Variants in VGLL3 observed in about 807,000 individuals in gnomAD.
VGLL3 encodes the protein transcription cofactor vestigial-like protein 3.
VGLL3 carries 18 observed loss-of-function variants against 29.2 expected under a neutral mutation model. That is an observed-to-expected ratio of 0.62 (90% CI 0.43 to 0.91). VGLL3 has a LOEUF of 0.91. VGLL3 is among the 40% of genes least tolerant of loss of function. The pLI, the probability that VGLL3 is intolerant of heterozygous loss-of-function variation, is 0.00. For missense variants in VGLL3, 440 were observed against 413.2 expected, an observed-to-expected ratio of 1.06 and a Z score of -0.56; for synonymous variants, 180 against 151.8, an observed-to-expected ratio of 1.19 and a Z score of -1.36.
At chr3:86,960,143 T>C (rs549261512) in intron 3 of VGLL3, among the ~76,000 whole-genome samples, 2 of 152,290 alleles carry the variant, frequency 1.3e-5, no homozygotes, top group South Asian at 4.1e-4. Context: ...GTTTAATTAG[T>C]ATGTTCCAAA....
In VGLL3 at chr3:86,946,063, A is replaced by T. The variant is rs1181152667; in HGVS notation, c.*961T>A. 2 of 152,150 alleles carry T rather than the reference A, an allele frequency of 1.3e-5. No individual in the cohort carries two copies. Among genetic ancestry groups the T allele is most frequent in the Non-Finnish European group, 2.9e-5 (2 of 68,018 alleles). 9.4% of individuals were successfully genotyped at this position (152,150 alleles called of 1,614,324 possible). ...AAAACAAGTAAAATAAGTCACTGGC[A>T]CTCATAGGTGGCATGGTTAAATGCA... On this transcript the variant is annotated 3_prime_UTR_variant, in exon 4 of 4. Coordinates refer to ENST00000398399, the MANE Select transcript of VGLL3 (RefSeq NM_016206.4).
chr3:86,978,879 T>A, intron 1 of VGLL3, 77 bp from the exon 2 acceptor site: 12 of 1,431,812 alleles, frequency 8.4e-6, no homozygotes, highest in Admixed American at 2.4e-5. Flanking sequence ...TTCACTTTTT[T>A]AAAAAAAGAA....
In VGLL3 at chr3:86,978,555, C is replaced by T. The variant is rs768429945; in HGVS notation, c.374G>A (p.Ser125Asn). 6.2e-7 allele frequency: 1 copy of T among 1,614,068 alleles called. No individual in the cohort carries two copies. The highest frequency in any genetic ancestry group is 1.7e-5 in the Admixed American group (1 of 60,004). ...CCATAGGGGGGTTAGCCCCATCTTG[C>T]TTTTTGAAATGGCAGATTCTGGATG... ...TLHPESAISK[S>N]KMGLTPLWRD... The change falls in exon 2 of 4, where the codon AGC (serine) becomes AAC (asparagine). Residue 125 changes from serine to asparagine, a missense_variant. Ser to Asn is a conservative substitution (Grantham distance 46). Coordinates refer to ENST00000398399, the MANE Select transcript of VGLL3 (RefSeq NM_016206.4).
intron 1 of VGLL3, among the ~76,000 whole-genome samples, chr3:86,982,028 C>G (rs1460724254): frequency 6.6e-6 from 1 of 152,170 alleles, no homozygotes; most frequent in African/African-American, 2.4e-5. Flanking sequence ...ATTTAAACAG[C>G]AATGGATTCA....
chr3:86,977,524 C>T (rs532217910), intron 2 of VGLL3, among the ~76,000 whole-genome samples: 91 of 152,236 alleles, frequency 6.0e-4, no homozygotes, highest in African/African-American at 2.1e-3. Context: ...TCAATAGATT[C>T]GAGATAAGGG....
At chr3:86,955,364 ATCTC>A (rs1240675243) in intron 3 of VGLL3, among the ~76,000 whole-genome samples, 26 of 148,358 alleles carry the variant, frequency 1.8e-4, no homozygotes, top group African/African-American at 3.7e-4. Context: ...GAAACTTTTC[ATCTC>A]TCTCTCTCTC....
chr3:86,965,680 A>G (rs1291803665), intron 3 of VGLL3, among the ~76,000 whole-genome samples: 1 of 152,138 alleles, frequency 6.6e-6, no homozygotes, highest in African/African-American at 2.4e-5. Context: ...CTTCAGCTGA[A>G]CAAACCCACC....
In VGLL3 at chr3:86,940,520, G is replaced by T. The variant is rs541365301; in HGVS notation, c.*6504C>A. ...CTTAATTAATAACACCTAAGATGTT[G>T]TAATTTCCAAAATATTTATAAGATG... On this transcript the variant is annotated 3_prime_UTR_variant, in exon 4 of 4. Transcript: ENST00000398399. 4 of 152,618 alleles carry T rather than the reference G, an allele frequency of 2.6e-5. No individual in the cohort carries two copies. Among genetic ancestry groups the T allele is most frequent in the African/African-American group, 9.6e-5 (4 of 41,548 alleles). The allele number at this position is 152,618 out of a possible 1,614,324, so 9.5% of individuals were successfully genotyped here.
chr3:86,968,876 T>G lies in VGLL3; in HGVS notation c.651A>C (p.Pro217=). 6.2e-7 allele frequency: 1 copy of G among 1,614,076 alleles called. No homozygotes were observed. Among genetic ancestry groups the G allele is most frequent in the Non-Finnish European group, 8.5e-7 (1 of 1,180,028 alleles). The change falls in exon 3 of 4, where the codon CCA becomes CCC. Residue 217 remains proline, a synonymous_variant. Transcript: ENST00000398399. Reference sequence around the variant, plus strand: ...ACACGTCATGCATATGGCTGTAGGATGGGCTCACCTGAGATGTCAAAGGAT... The same window carrying G: ...ACACGTCATGCATATGGCTGTAGGAGGGGCTCACCTGAGATGTCAAAGGAT... ...WPYPLTSQVS[P]SYSHMHDVYM... is the part of the protein sequence containing the mutation.
chr3:86,958,783 C>T (rs1704778136), intron 3 of VGLL3, among the ~76,000 whole-genome samples: 1 of 152,120 alleles, frequency 6.6e-6, no homozygotes, highest in Non-Finnish European at 1.5e-5. Context: ...AGATGGTTTC[C>T]ATTACCCTTC....
chr3:86,983,759 A>G (rs1705378464), intron 1 of VGLL3, among the ~76,000 whole-genome samples: 1 of 152,202 alleles, frequency 6.6e-6, no homozygotes, highest in African/African-American at 2.4e-5. Context: ...GTCAAGTTAT[A>G]TGAGGTTGGG....
At chr3:86,970,493 A>ACG (rs1441764970) in intron 2 of VGLL3, among the ~76,000 whole-genome samples, 2 of 150,176 alleles carry the variant, frequency 1.3e-5, no homozygotes, top group African/African-American at 4.9e-5. Context: ...GCACACACAC[A>ACG]CACACACACA....
At chr3:86,978,873 CTTTTTTAAAAA>C in intron 1 of VGLL3, 71 bp from the exon 2 acceptor site, 1 of 1,452,102 alleles carries the variant, frequency 6.9e-7, no homozygotes. Flanking sequence ...TAAGTTTTCA[CTTTTTTAAAAA>C]AAGAATCTAA....
At position 86,990,542 on chromosome 3, in the gene VGLL3, C is replaced by G. The variant is rs1705557833; in HGVS notation, c.126+76G>C. On this transcript the variant is annotated intron_variant, in intron 1 of 3. Coordinates refer to ENST00000398399, the MANE Select transcript of VGLL3 (RefSeq NM_016206.4). ...CTCTGCGCCACGCGTGCCGGCGGGA[C>G]GTCGCCGAGCCCCAGACCGATACTC... The G allele has an allele frequency of 3.1e-6, 4 of 1,304,138 alleles. No individual in the cohort carries two copies. In the African/African-American group the frequency reaches 4.5e-5, roughly 15 times the overall value. 80.8% of individuals were successfully genotyped at this position (1,304,138 alleles called of 1,614,324 possible). A position where few individuals can be genotyped will look rare whatever the true frequency, so the allele number is the denominator to read the frequency against.
chr3:86,954,039 GCAT>G (rs911956309), intron 3 of VGLL3, among the ~76,000 whole-genome samples: 1 of 152,130 alleles, frequency 6.6e-6, no homozygotes, highest in African/African-American at 2.4e-5. Context: ...TAGCATGGCA[GCAT>G]AATAATTTTC....
intron 1 of VGLL3, among the ~76,000 whole-genome samples, chr3:86,979,078 T>A (rs1207328358): frequency 6.6e-6 from 1 of 152,178 alleles, no homozygotes; most frequent in African/African-American, 2.4e-5. Context: ...AGATTTTGTT[T>A]TTGCTTTTGT....
chr3:86,939,749 G>A lies in VGLL3; in HGVS notation c.*7275C>T, dbSNP rs1704354696. 1 of 152,250 alleles carries A rather than the reference G, an allele frequency of 6.6e-6. No individual in the cohort carries two copies. The highest frequency in any genetic ancestry group is 2.4e-5 in the African/African-American group (1 of 41,426). The allele number at this position is 152,250 out of a possible 1,614,324, so 9.4% of individuals were successfully genotyped here. ...TGAGTCCTTAAATATGTAAGGGAGA[G>A]GAAGAAGAGGAAGTCAGTGATGTCA... On this transcript the variant is annotated 3_prime_UTR_variant, in exon 4 of 4. Transcript: ENST00000398399.
At chr3:86,970,639 C>A (rs1705080397) in intron 2 of VGLL3, among the ~76,000 whole-genome samples, 1 of 151,902 alleles carries the variant, frequency 6.6e-6, no homozygotes, top group African/African-American at 2.4e-5. Context: ...GGCCATGGTA[C>A]TGAATGTAAA....
Position 86,938,723 on chromosome 3 carries a change from T to C in VGLL3, c.*8301A>G, listed in dbSNP as rs1704329075. 6.6e-6 allele frequency: 1 copy of C among 152,650 alleles called. No homozygotes were observed. Among genetic ancestry groups the C allele is most frequent in the South Asian group, 2.1e-4 (1 of 4,826 alleles). 9.5% of individuals were successfully genotyped at this position (152,650 alleles called of 1,614,324 possible). On this transcript the variant is annotated 3_prime_UTR_variant, in exon 4 of 4. Coordinates refer to ENST00000398399, the MANE Select transcript of VGLL3 (RefSeq NM_016206.4). ...TTTACACATTAAATCTATCAAAACATGTTTGCTTTTCCATAACAGTTTTCC... is the reference window on the plus strand; with the variant it reads ...TTTACACATTAAATCTATCAAAACACGTTTGCTTTTCCATAACAGTTTTCC...
Sources: allele counts gnomAD v4.1 joint callset (sites outside exome capture counted in the v4.1 genomes callset), GRCh38; gene constraint gnomAD v4.1.1; transcripts MANE v1.5; gene names NCBI Gene and HGNC (gene_info 2026-07-23, HGNC 2026-07-21).